The following SMYD3 variants were observed in gnomAD, a reference collection of about 807,000 sequenced individuals.
The protein encoded by SMYD3 is histone-lysine N-methyltransferase SMYD3.
SMYD3 carries 36 observed loss-of-function variants against 57.7 expected under a neutral mutation model. The ratio of observed to expected loss-of-function variants is 0.62; its 90% CI spans 0.48 to 0.82. The LOEUF is 0.82. Among genes scored for constraint, SMYD3 ranks in the 40% least tolerant of loss-of-function variants. The probability of loss-of-function intolerance (pLI) is 0.00; values close to 1 mark genes in which losing one functional copy is unlikely to be tolerated. For missense variants in SMYD3, 515 were observed against 538.8 expected, an observed-to-expected ratio of 0.96 and a Z score of 0.44; for synonymous variants, 211 against 195.0, an observed-to-expected ratio of 1.08 and a Z score of -0.68.
intron 2 of SMYD3, among the ~76,000 whole-genome samples, chr1:246,339,848 C>T (rs573627247): frequency 1.3e-5 from 2 of 152,322 alleles, no homozygotes; most frequent in East Asian, 1.9e-4. Context: ...AGCACGCTCC[C>T]GTCATGTGAC....
intron 10 of SMYD3, among the ~76,000 whole-genome samples, chr1:245,852,222 G>C (rs936108516): frequency 1.3e-5 from 2 of 152,240 alleles, no homozygotes; most frequent in Non-Finnish European, 2.9e-5. Flanking sequence ...CTCTTTTTCA[G>C]AGGTGTTGAA....
rs567617341 is a variant in SMYD3, at chr1:246,155,028, G to A, written c.531+172173C>T. Among the ~76,000 whole-genome samples the A allele has an allele frequency of 7.9e-5, 12 of 151,990 alleles. No individual in the cohort carries two copies. The South Asian group carries it at 2.5e-3, about 32-fold the overall frequency. On this transcript the variant is annotated intron_variant, in intron 5 of 11. Transcript: ENST00000490107. ...GAGCTCCTGACCTTGTGATCTGCCC[G>A]CCTCGGCCTCCCAAAGTGCTGGGAT...
At chr1:245,967,548 T>C (rs1456111939) in intron 5 of SMYD3, among the ~76,000 whole-genome samples, 1 of 152,194 alleles carries the variant, frequency 6.6e-6, no homozygotes, top group East Asian at 1.9e-4. Context: ...TGAACTTGTT[T>C]CAGCCTGAGA....
At chr1:245,755,926 T>C (rs1572249344) in intron 11 of SMYD3, among the ~76,000 whole-genome samples, 1 of 151,836 alleles carries the variant, frequency 6.6e-6, no homozygotes, top group Non-Finnish European at 1.5e-5. Flanking sequence ...TTATTATTAA[T>C]ACATCAGGGC....
rs1392584196 is a variant in SMYD3, at chr1:246,507,127, A to C, written c.91T>G (p.Phe31Val). 1.3e-6 allele frequency: 2 copies of C among 1,534,118 alleles called. No homozygotes were observed. The highest frequency in any genetic ancestry group is 2.4e-5 in the South Asian group (2 of 81,984). The change falls in exon 1 of 12, where the codon TTC becomes GTC. Residue 31 changes from phenylalanine to valine, a missense_variant. Phe to Val is a conservative substitution (Grantham distance 50, BLOSUM62 -1). Transcript: ENST00000490107. ...GTGTACGCCAAGGGATCCGAGCGGA[A>C]GAGTAGCTCTCCGGGGCGCAGCGGG... ...VTPLRPGELL[F>V]RSDPLAYTVC...
chr1:246,196,588 G>A (rs1446260685), intron 5 of SMYD3, among the ~76,000 whole-genome samples: 1 of 152,038 alleles, frequency 6.6e-6, no homozygotes, highest in African/African-American at 2.4e-5. Context: ...TCTAAGTATT[G>A]TTCTTTTTAA....
At chr1:246,361,801 T>C (rs559055650) in intron 1 of SMYD3, among the ~76,000 whole-genome samples, 1 of 152,030 alleles carries the variant, frequency 6.6e-6, no homozygotes, top group East Asian at 1.9e-4. Context: ...AGGAGAAACG[T>C]TGGGAAGGGG....
At chr1:245,949,825 A>ACCCCCCCCCCCCCCCCCCCCCCCCCCC (rs376505931) in intron 5 of SMYD3, among the ~76,000 whole-genome samples, 2 of 93,302 alleles carry the variant, frequency 2.1e-5, no homozygotes, top group Non-Finnish European at 3.8e-5. Flanking sequence ...AAAGAAACCC[A>ACCCCCCCCCCCCCCCCCCCCCCCCCCC]CCCCCCCCAC....
At chr1:245,887,408 G>A (rs1158908999) in intron 8 of SMYD3, among the ~76,000 whole-genome samples, 2 of 152,118 alleles carry the variant, frequency 1.3e-5, no homozygotes. Flanking sequence ...CAGCCCTTGG[G>A]GCTGCTGTGT....
chr1:246,396,336 A>C (rs772863979), intron 1 of SMYD3, among the ~76,000 whole-genome samples: 7 of 152,100 alleles, frequency 4.6e-5, no homozygotes, highest in African/African-American at 7.2e-5. Flanking sequence ...CTGATTATTC[A>C]TTATCAAAGC....
At chr1:246,463,729 G>A (rs1186169421) in intron 1 of SMYD3, among the ~76,000 whole-genome samples, 12 of 146,476 alleles carry the variant, frequency 8.2e-5, no homozygotes, top group African/African-American at 2.5e-4. Context: ...CCAGCTACTC[G>A]GGAAGCTGAG....
intron 5 of SMYD3, among the ~76,000 whole-genome samples, chr1:246,047,005 C>T (rs1343382655): frequency 2.0e-5 from 3 of 151,864 alleles, no homozygotes; most frequent in African/African-American, 7.3e-5. Flanking sequence ...TATAAAATAC[C>T]ATATGAACAA....
rs2066322262 is a variant in SMYD3, at chr1:246,378,716, TA to T, written c.165-23623del. On this transcript the variant is annotated intron_variant, in intron 1 of 11. Coordinates refer to ENST00000490107, the MANE Select transcript of SMYD3 (RefSeq NM_001167740.2). ...AATAAACTCCCCTTTATATATATAA[TA>T]TAATATATTATATATTATATATAAT... 1.1e-4 allele frequency among the ~76,000 whole-genome samples: 7 copies of T among 61,296 alleles called. 1 individual carries two copies. The highest frequency in any genetic ancestry group is 1.0e-3 in the Admixed American group (4 of 3,916). 40.2% of individuals were successfully genotyped at this position (61,296 alleles called of 152,430 possible).
intron 5 of SMYD3, chr1:246,035,264 C>T (rs2059751987): frequency 6.6e-6 from 1 of 152,208 alleles, no homozygotes; most frequent in South Asian, 2.1e-4. Context: ...ATTCCACAGC[C>T]ACGTGTCTGA....
intron 1 of SMYD3, among the ~76,000 whole-genome samples, chr1:246,356,203 T>C (rs372079988): frequency 1.3e-5 from 2 of 152,054 alleles, no homozygotes; most frequent in Non-Finnish European, 1.5e-5. Flanking sequence ...AAACAATCAC[T>C]GCAGTTTGGC....
chr1:246,442,294 C>T (rs997164559), intron 1 of SMYD3, among the ~76,000 whole-genome samples: 2 of 152,156 alleles, frequency 1.3e-5, no homozygotes, highest in African/African-American at 2.4e-5. Flanking sequence ...TGGTGGCTCA[C>T]GCCTGTAATC....
At chr1:246,487,172 G>A (rs1267560784) in intron 1 of SMYD3, among the ~76,000 whole-genome samples, 1 of 150,634 alleles carries the variant, frequency 6.6e-6, no homozygotes, top group Admixed American at 6.7e-5. Context: ...ATATGGTTGG[G>A]CATGGTAGCT....
chr1:246,335,260 G>T, intron 3 of SMYD3, 107 bp downstream of exon 3: 1 of 965,422 alleles, frequency 1.0e-6, no homozygotes, highest in Non-Finnish European at 1.6e-6. Flanking sequence ...GCTTTATTGT[G>T]GTAGTCTGAA....
Position 246,295,845 on chromosome 1 carries a change from G to C in SMYD3, c.531+31356C>G, listed in dbSNP as rs151159700. ...AAATCGTTAAACAATTGAGATGACA[G>C]GCATGGGACAAGAAAGTCAAAATTC... On this transcript the variant is annotated intron_variant, in intron 5 of 11. Coordinates refer to ENST00000490107, the MANE Select transcript of SMYD3 (RefSeq NM_001167740.2). Among the ~76,000 whole-genome samples the C allele has an allele frequency of 2.6e-5, 4 of 152,254 alleles. No individual in the cohort carries two copies. In the East Asian group the frequency reaches 7.7e-4, roughly 29 times the overall value.
Sources: gnomAD v4.1 joint callset for allele counts (sites outside exome capture counted in the v4.1 genomes callset) on GRCh38, gnomAD v4.1.1 for gene constraint, MANE v1.5 for transcripts, NCBI Gene and HGNC (gene_info 2026-07-23, HGNC 2026-07-21) for gene names.